C15orf40: variants seen among roughly 807,000 people sequenced by gnomAD.
The protein encoded by C15orf40 is chromosome 15 open reading frame 40, also known as UPF0235 protein C15orf40.
C15orf40 carries 9 observed loss-of-function variants against 13.9 expected under a neutral mutation model. That is an observed-to-expected ratio of 0.65 (90% CI 0.39 to 1.13). The LOEUF (loss-of-function observed/expected upper bound fraction) is 1.13, where lower values mean the gene tolerates loss of function less well. Among genes scored for constraint, C15orf40 ranks in the 50% most tolerant of loss-of-function variants. C15orf40 has a pLI of 0.01. For synonymous variants in C15orf40, 95 were observed against 69.2 expected, an observed-to-expected ratio of 1.37 and a Z score of -1.85; for missense variants, 225 against 188.5, an observed-to-expected ratio of 1.19 and a Z score of -1.13.
Position 83,004,668 on chromosome 15 carries a change from CAA to C in C15orf40, c.*927_*928del. The C allele has an allele frequency of 2.2e-6, 2 of 900,768 alleles. No homozygotes were observed. The highest frequency in any genetic ancestry group is 1.8e-5 in the African/African-American group (1 of 55,336). 55.8% of individuals were successfully genotyped at this position (900,768 alleles called of 1,614,324 possible). On this transcript the variant is annotated 3_prime_UTR_variant, in exon 4 of 4. Coordinates refer to ENST00000304177, the MANE Select transcript of C15orf40 (RefSeq NM_144597.3). Reference sequence around the variant, plus strand: ...AAAAATTATAATTCACATTTAATTACAAGTCATGATTTTTCTTTACTTTTTCA... The same window carrying C: ...AAAAATTATAATTCACATTTAATTACGTCATGATTTTTCTTTACTTTTTCA...
At chr15:82,992,345 G>C (rs1567085916), downstream of C15orf40, among the ~76,000 whole-genome samples, 1 of 152,016 alleles carries the variant, frequency 6.6e-6, no homozygotes, top group Non-Finnish European at 1.5e-5. Flanking sequence ...GTGAAATCCT[G>C]TCTCTATTAA....
In C15orf40 at chr15:83,010,231, G is replaced by C. The variant is rs1321576509; in HGVS notation, c.238+6C>G. ...ACTTGAATCCCACCCCAGTGTCCAG[G>C]TATACCTGTTACAGCATTTTGTTTG... On this transcript the variant is annotated splice_donor_region_variant and intron_variant, in intron 2 of 3. Transcript: ENST00000304177. The C allele has an allele frequency of 6.2e-7, 1 of 1,613,990 alleles. No individual in the cohort carries two copies. Among genetic ancestry groups the C allele is most frequent in the East Asian group, 2.2e-5 (1 of 44,892 alleles).
chr15:82,994,538 T>A (rs1040666150), downstream of C15orf40, among the ~76,000 whole-genome samples: 9 of 152,168 alleles, frequency 5.9e-5, no homozygotes, highest in Admixed American at 1.3e-4. Context: ...GGATTTTTTT[T>A]AAATTAGGCA....
Position 83,005,219 on chromosome 15 carries a change from A to G in C15orf40, c.*378T>C, listed in dbSNP as rs1010002657. 10 of 1,020,284 alleles carry G rather than the reference A, an allele frequency of 9.8e-6. No individual in the cohort carries two copies. In the Admixed American group the frequency reaches 1.7e-4, roughly 17 times the overall value. The allele number at this position is 1,020,284 out of a possible 1,614,324, so 63.2% of individuals were successfully genotyped here. On this transcript the variant is annotated 3_prime_UTR_variant, in exon 4 of 4. Transcript: ENST00000304177. Reference sequence around the variant, plus strand: ...CCCCATGTTCTTCTGTGCATGTAGTATATTTTTCTATTTAACAGCCTCTTC... The same window carrying G: ...CCCCATGTTCTTCTGTGCATGTAGTGTATTTTTCTATTTAACAGCCTCTTC...
At chr15:83,006,965 G>C (rs1204022476) in intron 3 of C15orf40, among the ~76,000 whole-genome samples, 1 of 152,176 alleles carries the variant, frequency 6.6e-6, no homozygotes, top group Non-Finnish European at 1.5e-5. Flanking sequence ...GGATTTTTAG[G>C]TGCAGTCTGT....
downstream of C15orf40, chr15:82,989,998 A>G (rs1356686060): frequency 1.3e-6 from 2 of 1,597,274 alleles, no homozygotes; most frequent in Admixed American, 3.4e-5. Flanking sequence ...AACACAGACA[A>G]GAACCTTACT....
rs938183919 is a variant in C15orf40 at position 83,000,212 on chromosome 15, T to C, written c.*5385A>G. On this transcript the variant is annotated 3_prime_UTR_variant, in exon 4 of 4. Coordinates refer to ENST00000304177, the MANE Select transcript of C15orf40 (RefSeq NM_144597.3). ...TAGCAGATCCCACTATACAGTCTAT[T>C]TGGCAGTTGTGTTCTTCACTCAAGT... is the stretch of plus-strand genomic sequence containing the variant. 3 of 152,266 alleles carry C rather than the reference T, an allele frequency of 2.0e-5. No individual in the cohort carries two copies. Among genetic ancestry groups the C allele is most frequent in the African/African-American group, 7.2e-5 (3 of 41,472 alleles). The allele number at this position is 152,266 out of a possible 1,614,324, so 9.4% of individuals were successfully genotyped here.
downstream of C15orf40, among the ~76,000 whole-genome samples, chr15:82,989,586 A>C (rs1406401552): frequency 6.6e-6 from 1 of 152,236 alleles, no homozygotes; most frequent in Non-Finnish European, 1.5e-5. Context: ...CAAAGGAATA[A>C]ATTACCATAC....
At chr15:83,010,489 T>C in intron 1 of C15orf40, 126 bp from the exon 2 acceptor site, 1 of 1,094,576 alleles carries the variant, frequency 9.1e-7, no homozygotes, top group Non-Finnish European at 1.3e-6. Context: ...TCCAGGGACT[T>C]CTGGCCACCT....
At chr15:83,006,723 G>A (rs921444195) in intron 3 of C15orf40, among the ~76,000 whole-genome samples, 14 of 152,330 alleles carry the variant, frequency 9.2e-5, no homozygotes, top group South Asian at 8.3e-4. Flanking sequence ...CCGAGATTGC[G>A]CCATCGCACC....
chr15:82,990,197 C>CTT, downstream of C15orf40: 1 of 389,734 alleles, frequency 2.6e-6, no homozygotes, highest in East Asian at 3.5e-5. Flanking sequence ...GAAGTTGAGA[C>CTT]TTTAAAAAAA....
chr15:82,993,913 T>G (rs990606135), downstream of C15orf40, among the ~76,000 whole-genome samples: 1 of 152,250 alleles, frequency 6.6e-6, no homozygotes, highest in Non-Finnish European at 1.5e-5. Context: ...ATCAGATTAA[T>G]GTCCTTTTGA....
intron 3 of C15orf40, 60 bp from the exon 4 acceptor site, chr15:83,005,752 T>C (rs1351956432): frequency 4.5e-6 from 7 of 1,548,818 alleles, no homozygotes; most frequent in Non-Finnish European, 5.2e-6. Flanking sequence ...CTATTAGAGA[T>C]AGCAGACCTC....
chr15:83,005,570 C>T lies in C15orf40; in HGVS notation c.*27G>A. On this transcript the variant is annotated 3_prime_UTR_variant, in exon 4 of 4. Coordinates refer to ENST00000304177, the MANE Select transcript of C15orf40 (RefSeq NM_144597.3). ...AAGTGCTGGGATTACAGGCATGAGC[C>T]ACTGCGCCCGGCCTCATTTCTTGCT... 1 of 1,583,298 alleles carries T rather than the reference C, an allele frequency of 6.3e-7. No homozygotes were observed. The highest frequency in any genetic ancestry group is 8.6e-7 in the Non-Finnish European group (1 of 1,164,674).
chr15:82,994,770 TTAAA>T (rs1339718085), downstream of C15orf40: 2 of 152,194 alleles, frequency 1.3e-5, no homozygotes. Context: ...TTTTGAAATA[TTAAA>T]TAAGGCTTTG....
chr15:83,008,605 G>A lies in C15orf40; in HGVS notation c.309C>T (p.Leu103=). The A allele has an allele frequency of 6.2e-7, 1 of 1,613,986 alleles. No individual in the cohort carries two copies. The highest frequency in any genetic ancestry group is 1.1e-5 in the South Asian group (1 of 91,076). ...PPSEGEANAE[L]CRYLSKVLEL... is the part of the protein sequence containing the mutation. ...CTAGGACCTTGGAAAGATACCGACA[G>A]AGCTCAGCATTAGCCTCTCCCTCTG... Residue 103 remains leucine (L), a synonymous_variant, in exon 3 of 4, where the codon CTC becomes CTT. Coordinates refer to ENST00000304177, the MANE Select transcript of C15orf40 (RefSeq NM_144597.3).
chr15:83,010,483 G>A, intron 1 of C15orf40, 120 bp from the exon 2 acceptor site: 1 of 1,186,188 alleles, frequency 8.4e-7, no homozygotes, highest in Non-Finnish European at 1.2e-6. Context: ...GTGGTGTCCA[G>A]GGACTTCTGG....
In C15orf40 at chr15:82,997,710, C is replaced by G. The variant is rs1478362958; in HGVS notation, c.*7887G>C. 1 of 171,670 alleles carries G rather than the reference C, an allele frequency of 5.8e-6. No individual in the cohort carries two copies. Among genetic ancestry groups the G allele is most frequent in the Non-Finnish European group, 1.3e-5 (1 of 79,400 alleles). The allele number at this position is 171,670 out of a possible 1,614,324, so 10.6% of individuals were successfully genotyped here. A position where few individuals can be genotyped will look rare whatever the true frequency, so the allele number is the denominator to read the frequency against. ...GTCATCCTGGCCCGTTCTCAATGAGCTGTTGGGCACACCTCCCAGACGGGG... is the reference window on the plus strand; with the variant it reads ...GTCATCCTGGCCCGTTCTCAATGAGGTGTTGGGCACACCTCCCAGACGGGG... On this transcript the variant is annotated 3_prime_UTR_variant, in exon 4 of 4. Coordinates refer to ENST00000304177, the MANE Select transcript of C15orf40 (RefSeq NM_144597.3).
chr15:83,011,542 C>A lies in C15orf40; in HGVS notation c.66G>T (p.Arg22=), dbSNP rs755307995. The A allele has an allele frequency of 1.2e-6, 2 of 1,606,528 alleles. No individual in the cohort carries two copies. Among genetic ancestry groups the A allele is most frequent in the Non-Finnish European group, 1.7e-6 (2 of 1,178,296 alleles). Residue 22 remains arginine (R), a synonymous_variant, in exon 1 of 4, where the codon CGG becomes CGT. Transcript: ENST00000304177. ...RATPNTRGSA[R]LLCAEMPKKA... ...TCTTAGGCATCTCGGCGCAAAGAAG[C>A]CGAGCGGAGCCCCGAGTATTGGGTG... is the stretch of plus-strand genomic sequence containing the variant.
Sources: allele counts gnomAD v4.1 joint callset (sites outside exome capture counted in the v4.1 genomes callset), GRCh38; gene constraint gnomAD v4.1.1; transcripts MANE v1.5; gene names NCBI Gene and HGNC (gene_info 2026-07-23, HGNC 2026-07-21).